PTPRN2: variants seen among roughly 807,000 people sequenced by gnomAD.
The protein encoded by PTPRN2 is receptor-type tyrosine-protein phosphatase N2.
PTPRN2 carries 74 observed loss-of-function variants against 118.8 expected under a neutral mutation model. The ratio of observed to expected loss-of-function variants is 0.62; its 90% CI spans 0.52 to 0.76. The LOEUF (loss-of-function observed/expected upper bound fraction) is 0.76. Ranked by LOEUF, PTPRN2 falls within the 30% of genes least tolerant of loss-of-function variation. The pLI, the probability that PTPRN2 is intolerant of heterozygous loss-of-function variation, is 0.00. For synonymous variants in PTPRN2, 641 were observed against 608.0 expected, an observed-to-expected ratio of 1.05 and a Z score of -0.80; for missense variants, 1,481 against 1,394.4, an observed-to-expected ratio of 1.06 and a Z score of -0.99.
chr7:157,680,363 T>C (rs1796861941), intron 13 of PTPRN2, among the ~76,000 whole-genome samples: 1 of 128,572 alleles, frequency 7.8e-6, no homozygotes, highest in South Asian at 2.2e-4. Flanking sequence ...TGTTTTATGT[T>C]TGCAATATTT....
At chr7:158,483,447 A>G (rs550772095) in intron 2 of PTPRN2, among the ~76,000 whole-genome samples, 1 of 152,332 alleles carries the variant, frequency 6.6e-6, no homozygotes, top group African/African-American at 2.4e-5. Flanking sequence ...ACATAGCTTC[A>G]AAGAATTAGG....
intron 14 of PTPRN2, among the ~76,000 whole-genome samples, chr7:157,648,966 G>T (rs557497503): frequency 6.8e-6 from 1 of 145,990 alleles, no homozygotes; most frequent in Admixed American, 7.0e-5. Context: ...CACTGAACTC[G>T]GTGGGTCGGA....
At position 158,064,465 on chromosome 7, in the gene PTPRN2, G is replaced by C. The variant is rs370894025; in HGVS notation, c.1723+16833C>G. 2.2e-4 allele frequency among the ~76,000 whole-genome samples: 33 copies of C among 152,268 alleles called. No homozygotes were observed. The East Asian group carries it at 3.5e-3, about 16-fold the overall frequency. On this transcript the variant is annotated intron_variant, in intron 11 of 22. Transcript: ENST00000389418. Reference sequence around the variant, plus strand: ...GGTCACAGCCATGGGGGAGCCGGGGGAGCCTGGGGAGCCCAGCGCTGTGAG... The same window carrying C: ...GGTCACAGCCATGGGGGAGCCGGGGCAGCCTGGGGAGCCCAGCGCTGTGAG...
chr7:158,380,927 C>A (rs571695575), intron 2 of PTPRN2, among the ~76,000 whole-genome samples: 1 of 152,280 alleles, frequency 6.6e-6, no homozygotes, highest in Non-Finnish European at 1.5e-5. Flanking sequence ...GGCTTGCCCC[C>A]CTCTGAAGCC....
At chr7:158,063,394 AAGACCAATCAGCTCTCTGTAAAAC>A (rs1202821113) in intron 11 of PTPRN2, among the ~76,000 whole-genome samples, 4 of 152,204 alleles carry the variant, frequency 2.6e-5, no homozygotes, top group South Asian at 2.1e-4. Flanking sequence ...CCTGTCAAAA[AAGACCAATCAGCTCTCTGTAAAAC>A]AGACCAATCA....
chr7:158,280,061 A>G (rs1002179938), intron 3 of PTPRN2, among the ~76,000 whole-genome samples: 1 of 151,808 alleles, frequency 6.6e-6, no homozygotes, highest in Non-Finnish European at 1.5e-5. Flanking sequence ...GCTGCCCCCA[A>G]ACTGCACCAA....
chr7:158,306,835 C>T (rs1389148679), intron 3 of PTPRN2, among the ~76,000 whole-genome samples: 1 of 149,150 alleles, frequency 6.7e-6, no homozygotes, highest in Non-Finnish European at 1.5e-5. Flanking sequence ...AAGACAAAGA[C>T]TTTAAATGAG....
rs1159110503 is a variant in PTPRN2 at position 157,929,455 on chromosome 7, T to C, written c.1724-30718A>G. Among the ~76,000 whole-genome samples the C allele has an allele frequency of 1.3e-5, 2 of 152,056 alleles. No homozygotes were observed. Among genetic ancestry groups the C allele is most frequent in the African/African-American group, 4.8e-5 (2 of 41,404 alleles). On this transcript the variant is annotated intron_variant, in intron 11 of 22. Coordinates refer to ENST00000389418, the MANE Select transcript of PTPRN2 (RefSeq NM_002847.5). The surrounding 1 kb of genome is among the most constrained non-coding windows in gnomAD (Gnocchi z 4.4). The stretch of plus-strand genomic sequence containing the variant: ...TTCCTTTTAGGAGGAAGCCACCGGA[T>C]CGTTTCCCATGCTTAAGCTCAGACG...
At chr7:158,341,213 G>A (rs1403722005) in intron 2 of PTPRN2, among the ~76,000 whole-genome samples, 2 of 150,864 alleles carry the variant, frequency 1.3e-5, no homozygotes, top group African/African-American at 4.9e-5. Flanking sequence ...ACCTGCAGAC[G>A]TCATTCACAC....
intron 12 of PTPRN2, among the ~76,000 whole-genome samples, chr7:157,748,605 C>T (rs1048665402): frequency 0.011 from 1,265 of 118,448 alleles, 19 homozygotes; most frequent in Admixed American, 0.022. Flanking sequence ...GGTCTGCGTC[C>T]CTGAGCTGTG....
intron 12 of PTPRN2, among the ~76,000 whole-genome samples, chr7:157,853,978 C>T (rs1312245904): frequency 1.3e-5 from 2 of 152,184 alleles, no homozygotes; most frequent in South Asian, 2.1e-4. Context: ...ACCCACAAGC[C>T]GAGGAGAGAG....
At chr7:158,299,299 A>AT (rs1800710051) in intron 3 of PTPRN2, among the ~76,000 whole-genome samples, 1 of 101,570 alleles carries the variant, frequency 9.8e-6, no homozygotes, top group African/African-American at 3.2e-5. Flanking sequence ...CTCAGGAAGC[A>AT]ATTTTTTTTT....
chr7:158,496,028 T>G (rs73528615), intron 1 of PTPRN2, among the ~76,000 whole-genome samples: 1 of 151,670 alleles, frequency 6.6e-6, no homozygotes, highest in Admixed American at 6.6e-5. Flanking sequence ...GGACAGGGCT[T>G]GGGGGGCAGC....
At chr7:157,703,004 G>A (rs1323741489) in intron 12 of PTPRN2, among the ~76,000 whole-genome samples, 1 of 152,214 alleles carries the variant, frequency 6.6e-6, no homozygotes, top group Non-Finnish European at 1.5e-5. Flanking sequence ...CTTAAATTAA[G>A]ATGAAGGGGA....
chr7:158,259,709 G>T (rs1797262737), intron 3 of PTPRN2, among the ~76,000 whole-genome samples: 1 of 148,628 alleles, frequency 6.7e-6, no homozygotes, highest in East Asian at 2.1e-4. Context: ...TGTGTCCCGG[G>T]TGTACAGGTA....
intron 6 of PTPRN2, among the ~76,000 whole-genome samples, chr7:158,139,320 G>A (rs1380509968): frequency 6.6e-6 from 1 of 152,158 alleles, no homozygotes; most frequent in Non-Finnish European, 1.5e-5. Context: ...GAAGAGCACG[G>A]CGTCTGAAAT....
chr7:158,314,881 C>A (rs1447311204), intron 3 of PTPRN2, among the ~76,000 whole-genome samples: 1 of 149,984 alleles, frequency 6.7e-6, no homozygotes, highest in Non-Finnish European at 1.5e-5. Flanking sequence ...GAGGTGAACC[C>A]GGGACCCCCT....
At chr7:157,645,488 A>C (rs1805005863) in intron 14 of PTPRN2, among the ~76,000 whole-genome samples, 1 of 152,204 alleles carries the variant, frequency 6.6e-6, no homozygotes, top group South Asian at 2.1e-4. Flanking sequence ...ATCCGCGATG[A>C]CTCAGGATCT....
chr7:158,149,629 C>A (rs999295362), intron 6 of PTPRN2, among the ~76,000 whole-genome samples: 1 of 151,890 alleles, frequency 6.6e-6, no homozygotes, highest in South Asian at 2.1e-4. Flanking sequence ...ATGGTGGAAA[C>A]CCCATCTCTA....
Sources: gnomAD v4.1 joint callset for allele counts (sites outside exome capture counted in the v4.1 genomes callset) on GRCh38, gnomAD v4.1.1 for gene constraint, Gnocchi (gnomAD v3.1) non-coding constraint, MANE v1.5 for transcripts, NCBI Gene and HGNC (gene_info 2026-07-23, HGNC 2026-07-21) for gene names.